Variants in HSD17B14 observed in about 807,000 individuals in gnomAD.
HSD17B14 encodes the protein hydroxysteroid 17-beta dehydrogenase 14.
Under a neutral mutation model 32.2 loss-of-function variants are expected in HSD17B14, and 32 were observed. The ratio of observed to expected loss-of-function variants is 0.99; its 90% CI spans 0.75 to 1.33. The LOEUF (loss-of-function observed/expected upper bound fraction) is 1.33, where lower values mean the gene tolerates loss of function less well. Among genes scored for constraint, HSD17B14 ranks in the 40% most tolerant of loss-of-function variants. The pLI is 0.00. For synonymous variants in HSD17B14, 140 were observed against 155.4 expected (o/e 0.90, Z 0.74); for missense variants, 370 against 366.5 (o/e 1.01, Z -0.08).
At chr19:48,831,324 G>C (rs1271572930) in intron 5 of HSD17B14, among the ~76,000 whole-genome samples, 2 of 152,198 alleles carry the variant, frequency 1.3e-5, no homozygotes, top group Non-Finnish European at 1.5e-5. Context: ...GGTGACTCAA[G>C]TCTGTAATCC....
At chr19:48,831,816 A>G in intron 4 of HSD17B14, 57 bp from the exon 5 acceptor site, 1 of 1,015,284 alleles carries the variant, frequency 9.8e-7, no homozygotes, top group Non-Finnish European at 1.5e-6. Flanking sequence ...ACAGTTGCCC[A>G]CGCCTGTAAT....
chr19:48,815,715 T>C (rs1432084627), intron 5 of HSD17B14, among the ~76,000 whole-genome samples: 1 of 152,006 alleles, frequency 6.6e-6, no homozygotes, highest in African/African-American at 2.4e-5. Flanking sequence ...ATGGTTTCTA[T>C]GAGGCCTTCA....
intron 5 of HSD17B14, among the ~76,000 whole-genome samples, chr19:48,820,172 C>A (rs2035121783): frequency 6.6e-6 from 1 of 151,130 alleles, no homozygotes; most frequent in African/African-American, 2.4e-5. Context: ...AAAAACAAAC[C>A]GAAAAAGAAC....
chr19:48,820,735 G>T (rs1429791745), intron 5 of HSD17B14, among the ~76,000 whole-genome samples: 1 of 151,524 alleles, frequency 6.6e-6, no homozygotes, highest in Admixed American at 6.6e-5. Context: ...GGGCGCAGTG[G>T]CTCACATCTG....
rs376065810 is a variant in HSD17B14 at position 48,835,856 on chromosome 19, A to G, written c.89-13T>C. On this transcript the variant is annotated splice_polypyrimidine_tract_variant and intron_variant, in intron 1 of 8. Transcript: ENST00000263278. ...GCCCCGCTGTTCACTGAGAATAGGAAGGGAACAGGTTACTCTCCGAGCCTT... is the reference window on the plus strand; with the variant it reads ...GCCCCGCTGTTCACTGAGAATAGGAGGGGAACAGGTTACTCTCCGAGCCTT... 48 of 1,613,226 alleles carry G rather than the reference A, an allele frequency of 3.0e-5. No individual in the cohort carries two copies. The African/African-American group carries it at 5.9e-4, about 20-fold the overall frequency.
At chr19:48,831,946 C>G (rs12972947) in intron 4 of HSD17B14, among the ~76,000 whole-genome samples, 187 bp from the exon 5 acceptor site, 1 of 151,136 alleles carries the variant, frequency 6.6e-6, no homozygotes, top group East Asian at 2.0e-4. Flanking sequence ...GGTGTGGTGG[C>G]GGGTGCCTAT....
In HSD17B14 at chr19:48,813,457, T is replaced by C; in HGVS notation, c.638A>G (p.Gln213Arg). ...RATIREGMLA[Q>R]PLGRMGQPAE... is the part of the protein sequence containing the mutation. ...CCTGGATCTGAACCCCACTTCTACC[T>C]GGGCCAGCATGCCCTCTCGGATTGT... The change falls in exon 8 of 9, where the codon CAG becomes CGG. Residue 213 changes from glutamine (Q) to arginine (R), a missense_variant and splice_region_variant. By Grantham distance (43) the Gln-to-Arg change is conservative (BLOSUM62 1). Transcript: ENST00000263278. 6.2e-7 allele frequency: 1 copy of C among 1,609,420 alleles called. No homozygotes were observed. The highest frequency in any genetic ancestry group is 8.5e-7 in the Non-Finnish European group (1 of 1,177,962).
chr19:48,814,851 A>G (rs1040976913), intron 6 of HSD17B14, among the ~76,000 whole-genome samples, 186 bp downstream of exon 6: 2 of 126,440 alleles, frequency 1.6e-5, no homozygotes, highest in Non-Finnish European at 3.5e-5. Flanking sequence ...AAAAAAAAAA[A>G]AGAAAAGAAA....
intron 5 of HSD17B14, among the ~76,000 whole-genome samples, chr19:48,828,088 T>C (rs1319582413): frequency 6.6e-6 from 1 of 151,160 alleles, no homozygotes; most frequent in African/African-American, 2.4e-5. Flanking sequence ...TCTCCTGACC[T>C]CGTGATCCGC....
chr19:48,820,315 A>C (rs143904409), intron 5 of HSD17B14, among the ~76,000 whole-genome samples: 1 of 151,932 alleles, frequency 6.6e-6, no homozygotes, highest in East Asian at 2.0e-4. Context: ...CTCTGCTAAA[A>C]ATACATTAGC....
chr19:48,826,511 G>A (rs1283514156), intron 5 of HSD17B14, among the ~76,000 whole-genome samples: 19 of 23,082 alleles, frequency 8.2e-4, no homozygotes, highest in East Asian at 1.9e-3. Context: ...AAAAAAAAAA[G>A]TAAAAGAAAA....
intron 3 of HSD17B14, among the ~76,000 whole-genome samples, chr19:48,833,415 C>A (rs770071495): frequency 1.3e-5 from 2 of 152,150 alleles, no homozygotes; most frequent in Admixed American, 6.6e-5. Context: ...ATACAGGCCA[C>A]GTGCAGTGGC....
chr19:48,822,793 T>C (rs2035182981), intron 5 of HSD17B14, among the ~76,000 whole-genome samples: 1 of 151,768 alleles, frequency 6.6e-6, no homozygotes. Context: ...GTAATGATGG[T>C]GACGATGATG....
chr19:48,830,003 C>G (rs1437234366), intron 5 of HSD17B14, among the ~76,000 whole-genome samples: 1 of 150,878 alleles, frequency 6.6e-6, no homozygotes, highest in African/African-American at 2.4e-5. Context: ...AGGTCTCACT[C>G]TGTCACCTAG....
chr19:48,826,542 T>TATACACACACAC, intron 5 of HSD17B14, among the ~76,000 whole-genome samples: 6 of 80,110 alleles, frequency 7.5e-5, no homozygotes, highest in African/African-American at 2.6e-4. Flanking sequence ...TATATATATA[T>TATACACACACAC]ACACACACAC....
At chr19:48,833,949 C>G (rs769983110) in intron 3 of HSD17B14, among the ~76,000 whole-genome samples, 24 of 152,122 alleles carry the variant, frequency 1.6e-4, no homozygotes, top group Non-Finnish European at 2.9e-4. Context: ...GAGATCACAC[C>G]ACTGCACTCC....
At chr19:48,816,621 T>C (rs371782777) in intron 5 of HSD17B14, among the ~76,000 whole-genome samples, 1 of 152,012 alleles carries the variant, frequency 6.6e-6, no homozygotes, top group Admixed American at 6.6e-5. Context: ...TGATCCGAGG[T>C]CACCTCCTCA....
intron 2 of HSD17B14, among the ~76,000 whole-genome samples, chr19:48,835,377 T>C (rs1180451636): frequency 3.9e-5 from 3 of 76,436 alleles, no homozygotes; most frequent in South Asian, 5.8e-4. Context: ...GGGGCTGAGG[T>C]CTGGACTCCT....
At chr19:48,821,643 T>C (rs1051480551) in intron 5 of HSD17B14, among the ~76,000 whole-genome samples, 1 of 151,258 alleles carries the variant, frequency 6.6e-6, no homozygotes, top group Admixed American at 6.6e-5. Flanking sequence ...TTGATGGTGA[T>C]GGTGATGATG....
Sources: gnomAD v4.1 joint callset for allele counts (sites outside exome capture counted in the v4.1 genomes callset) on GRCh38, gnomAD v4.1.1 for gene constraint, MANE v1.5 for transcripts, NCBI Gene and HGNC (gene_info 2026-07-23, HGNC 2026-07-21) for gene names.